ZBTB7C: variants seen among roughly 807,000 people sequenced by gnomAD.
ZBTB7C encodes zinc finger and BTB domain containing 7C, also known as zinc finger and BTB domain-containing protein 7C.
A neutral mutation model predicts 25.7 loss-of-function variants in ZBTB7C; 8 were observed. The observed-to-expected ratio is 0.31, with a 90% CI of 0.18 to 0.56. ZBTB7C has a LOEUF of 0.56. Among genes scored for constraint, ZBTB7C ranks in the 20% least tolerant of loss-of-function variants. The pLI is 0.91. For synonymous variants in ZBTB7C, 394 were observed against 369.0 expected (o/e 1.07, Z -0.78); for missense variants, 824 against 855.2 (o/e 0.96, Z 0.46).
chr18:48,282,517 G>C (rs2044894959), intron 2 of ZBTB7C, among the ~76,000 whole-genome samples: 1 of 151,994 alleles, frequency 6.6e-6, no homozygotes, highest in African/African-American at 2.4e-5. Flanking sequence ...GGTATATATA[G>C]CTAACACAAA....
chr18:48,053,568 G>A (rs1474221244), intron 3 of ZBTB7C, among the ~76,000 whole-genome samples: 1 of 152,054 alleles, frequency 6.6e-6, no homozygotes, highest in Non-Finnish European at 1.5e-5. Flanking sequence ...CCATGAGGTG[G>A]CTACTGTCAT....
chr18:48,069,673 C>A (rs964023685), intron 3 of ZBTB7C, among the ~76,000 whole-genome samples: 1 of 151,696 alleles, frequency 6.6e-6, no homozygotes, highest in Non-Finnish European at 1.5e-5. Flanking sequence ...TGTGCTATAT[C>A]TACATAATCT....
At chr18:48,314,371 T>C (rs962718310) in intron 2 of ZBTB7C, among the ~76,000 whole-genome samples, 79 of 152,262 alleles carry the variant, frequency 5.2e-4, no homozygotes, top group African/African-American at 1.8e-3. Context: ...AGTCCCCTCT[T>C]AAAAGCCCCT....
chr18:48,230,613 G>A (rs2145346530), intron 2 of ZBTB7C, among the ~76,000 whole-genome samples: 2 of 152,330 alleles, frequency 1.3e-5, no homozygotes, highest in Admixed American at 1.3e-4. Flanking sequence ...GCTGGAAGGG[G>A]ATGGACATAG....
chr18:48,280,490 G>A (rs971189941), intron 2 of ZBTB7C, among the ~76,000 whole-genome samples: 1 of 152,044 alleles, frequency 6.6e-6, no homozygotes, highest in East Asian at 1.9e-4. Flanking sequence ...GGCTTCTCAA[G>A]CCCTACACAA....
At position 48,138,947 on chromosome 18, in the gene ZBTB7C, G is replaced by T. The variant is rs147275844; in HGVS notation, c.-17+46987C>A. On this transcript the variant is annotated intron_variant, in intron 3 of 4. Transcript: ENST00000590800. ...GGTGGAGGTGGGGTGGGTGCAGTGG[G>T]GTGCCAACCTCGGAGCCTCTCTTCT... Among the ~76,000 whole-genome samples, 25 of 152,308 alleles carry T rather than the reference G, an allele frequency of 1.6e-4. No homozygotes were observed. The East Asian group carries it at 4.8e-3, about 29-fold the overall frequency.
chr18:48,210,704 CG>C (rs1057002975), intron 2 of ZBTB7C, among the ~76,000 whole-genome samples: 116 of 151,380 alleles, frequency 7.7e-4, no homozygotes, highest in African/African-American at 2.7e-3. Context: ...GAGGTGTCTC[CG>C]GGGGTAGGGA....
At chr18:48,368,009 C>T (rs2047290603) in intron 1 of ZBTB7C, among the ~76,000 whole-genome samples, 2 of 151,106 alleles carry the variant, frequency 1.3e-5, no homozygotes, top group South Asian at 4.2e-4. Flanking sequence ...GTACAGTACA[C>T]AGCCTCAAAA....
intron 1 of ZBTB7C, among the ~76,000 whole-genome samples, chr18:48,353,680 G>A (rs1255403710): frequency 6.6e-6 from 1 of 152,194 alleles, no homozygotes; most frequent in Non-Finnish European, 1.5e-5. Context: ...GGTGGCGGGG[G>A]CAATCCTTTG....
At chr18:48,034,711 A>T (rs188241125) in intron 4 of ZBTB7C, among the ~76,000 whole-genome samples, 34 of 152,144 alleles carry the variant, frequency 2.2e-4, no homozygotes, top group African/African-American at 7.7e-4. Context: ...CAAATCCAAC[A>T]TGCTCCCCTC....
intron 2 of ZBTB7C, among the ~76,000 whole-genome samples, chr18:48,296,119 C>T (rs139124123): frequency 8.5e-5 from 13 of 152,318 alleles, no homozygotes; most frequent in African/African-American, 2.6e-4. Context: ...TGGGCCTCAC[C>T]AACCACCTGC....
chr18:48,377,503 T>G (rs933501819), intron 1 of ZBTB7C, among the ~76,000 whole-genome samples: 1 of 152,208 alleles, frequency 6.6e-6, no homozygotes, highest in African/African-American at 2.4e-5. Context: ...AGAGGTAATA[T>G]TCAAAATCTT....
chr18:48,140,811 C>T (rs2040318711), intron 3 of ZBTB7C, among the ~76,000 whole-genome samples: 1 of 152,128 alleles, frequency 6.6e-6, no homozygotes, highest in Non-Finnish European at 1.5e-5. Flanking sequence ...GCGCCCCCAG[C>T]CAAACCATCC....
intron 2 of ZBTB7C, among the ~76,000 whole-genome samples, chr18:48,320,402 A>G (rs1301004420): frequency 1.3e-5 from 2 of 152,238 alleles, no homozygotes; most frequent in East Asian, 3.9e-4. Context: ...TCAGCAAGGC[A>G]GGAAACATCT....
intron 2 of ZBTB7C, among the ~76,000 whole-genome samples, chr18:48,286,233 C>CAT (rs111887626): frequency 1.4e-5 from 2 of 145,578 alleles, no homozygotes; most frequent in African/African-American, 5.0e-5. Context: ...AAGAGGTGTG[C>CAT]GTGTGTGTGT....
chr18:48,304,958 ACT>A (rs1331267277), intron 2 of ZBTB7C, among the ~76,000 whole-genome samples: 2 of 151,714 alleles, frequency 1.3e-5, no homozygotes, highest in Non-Finnish European at 2.9e-5. Flanking sequence ...AACAGGCCTG[ACT>A]CTGCAGGGAG....
intron 3 of ZBTB7C, among the ~76,000 whole-genome samples, chr18:48,051,559 A>G (rs553712155): frequency 7.6e-6 from 1 of 130,966 alleles, no homozygotes; most frequent in East Asian, 2.5e-4. Flanking sequence ...TATTTGACAG[A>G]TGAGGAAACT....
chr18:48,239,432 C>T (rs1360337021), intron 2 of ZBTB7C, among the ~76,000 whole-genome samples: 1 of 152,204 alleles, frequency 6.6e-6, no homozygotes, highest in Non-Finnish European at 1.5e-5. Flanking sequence ...GTGCACTAAA[C>T]AAAACTACAA....
At chr18:48,218,462 T>C (rs917193080) in intron 2 of ZBTB7C, among the ~76,000 whole-genome samples, 52 of 152,210 alleles carry the variant, frequency 3.4e-4, no homozygotes, top group Non-Finnish European at 1.6e-4. Flanking sequence ...TACACACTTG[T>C]GCAAACAGTA....
Sources: allele counts gnomAD v4.1 joint callset (sites outside exome capture counted in the v4.1 genomes callset), GRCh38; gene constraint gnomAD v4.1.1; transcripts MANE v1.5; gene names NCBI Gene and HGNC (gene_info 2026-07-23, HGNC 2026-07-21).